CA10: variants seen among roughly 807,000 people sequenced by gnomAD.
CA10 encodes the protein carbonic anhydrase 10 (inactive).
Under a neutral mutation model 44.2 loss-of-function variants are expected in CA10, and 14 were observed. The observed-to-expected ratio is 0.32, with a 90% CI of 0.21 to 0.50. The LOEUF is 0.50. Among genes scored for constraint, CA10 ranks in the 20% least tolerant of loss-of-function variants. The probability of loss-of-function intolerance (pLI) is 0.99; values close to 1 mark genes in which losing one functional copy is unlikely to be tolerated. For missense variants in CA10, 350 were observed against 409.7 expected (o/e 0.85, Z 1.26); for synonymous variants, 159 against 141.6 (o/e 1.12, Z -0.87).
intron 1 of CA10, 85 bp from the exon 2 acceptor site, chr17:52,072,478 C>T: frequency 3.2e-6 from 3 of 928,494 alleles, no homozygotes; most frequent in South Asian, 2.9e-5. Flanking sequence ...GGTGAATATC[C>T]ATAAAATAAC....
intron 3 of CA10, among the ~76,000 whole-genome samples, chr17:51,870,965 C>A (rs767191267): frequency 6.6e-6 from 1 of 152,080 alleles, no homozygotes; most frequent in African/African-American, 2.4e-5. Flanking sequence ...TGTACCCTCA[C>A]CCTTCAGACA....
At chr17:51,835,556 G>T (rs1908447065) in intron 3 of CA10, among the ~76,000 whole-genome samples, 1 of 152,176 alleles carries the variant, frequency 6.6e-6, no homozygotes, top group Admixed American at 6.5e-5. Flanking sequence ...AAGGCAAAAT[G>T]AAATTAGGTT....
At chr17:51,904,280 C>A (rs1341092267) in intron 3 of CA10, among the ~76,000 whole-genome samples, 1 of 151,980 alleles carries the variant, frequency 6.6e-6, no homozygotes, top group African/African-American at 2.4e-5. Flanking sequence ...CTCCTTTGAC[C>A]AATGTGGAGG....
chr17:52,053,676 G>A (rs1355857104), intron 2 of CA10, among the ~76,000 whole-genome samples: 1 of 152,004 alleles, frequency 6.6e-6, no homozygotes, highest in East Asian at 1.9e-4. Context: ...GAAATTGAGT[G>A]CACAGAAAGG....
chr17:51,788,549 G>T (rs969435327), intron 3 of CA10, among the ~76,000 whole-genome samples: 1 of 152,028 alleles, frequency 6.6e-6, no homozygotes, highest in Non-Finnish European at 1.5e-5. Flanking sequence ...ACCCTGATTC[G>T]ATCATTACAC....
chr17:51,985,240 C>T lies in CA10; in HGVS notation c.137-54108G>A, dbSNP rs559925317. ...GCAAGCCAATAAATGTGATACACCA[C>T]ATATGTATAATTAAAAACAAAGACT... On this transcript the variant is annotated intron_variant, in intron 2 of 8. Coordinates refer to ENST00000451037, the MANE Select transcript of CA10 (RefSeq NM_020178.5). Among the ~76,000 whole-genome samples, 6 of 152,058 alleles carry T rather than the reference C, an allele frequency of 3.9e-5. No individual in the cohort carries two copies. In the South Asian group the frequency reaches 1.0e-3, roughly 26 times the overall value.
intron 3 of CA10, among the ~76,000 whole-genome samples, chr17:51,752,653 G>A (rs1469941812): frequency 6.6e-6 from 1 of 152,174 alleles, no homozygotes; most frequent in East Asian, 1.9e-4. Flanking sequence ...GGGGGGCCAG[G>A]TACTTTGGCT....
At chr17:51,782,196 A>C (rs547646945) in intron 3 of CA10, among the ~76,000 whole-genome samples, 5 of 152,374 alleles carry the variant, frequency 3.3e-5, no homozygotes, top group African/African-American at 1.2e-4. Context: ...TGAATACTCC[A>C]AAGAATGTAC....
intron 3 of CA10, among the ~76,000 whole-genome samples, chr17:51,904,229 G>C (rs1057292283): frequency 6.6e-6 from 1 of 151,654 alleles, no homozygotes; most frequent in Non-Finnish European, 1.5e-5. Context: ...TATATTCTTA[G>C]AAGGTCATGT....
chr17:51,631,572 TG>T lies in CA10; in HGVS notation c.*11del. ...CATTTCACTGAGGTGGGATTCTTCT[TG>T]GCTTTGTTCCCTACTTGAGGAGCCA... On this transcript the variant is annotated 3_prime_UTR_variant, in exon 9 of 9. Transcript: ENST00000451037. 1 of 1,612,004 alleles carries T rather than the reference TG, an allele frequency of 6.2e-7. No individual in the cohort carries two copies. Among genetic ancestry groups the T allele is most frequent in the Non-Finnish European group, 8.5e-7 (1 of 1,178,322 alleles).
At chr17:52,138,086 G>A (rs1240293033) in intron 1 of CA10, among the ~76,000 whole-genome samples, 1 of 152,084 alleles carries the variant, frequency 6.6e-6, no homozygotes, top group African/African-American at 2.4e-5. Context: ...AAATCAAGGT[G>A]TCAGCAGGCA....
chr17:51,987,560 A>T lies in CA10; in HGVS notation c.137-56428T>A, dbSNP rs866397097. Among the ~76,000 whole-genome samples the T allele has an allele frequency of 3.9e-5, 6 of 152,162 alleles. No individual in the cohort carries two copies. The South Asian group carries it at 6.2e-4, about 16-fold the overall frequency. On this transcript the variant is annotated intron_variant, in intron 2 of 8. Transcript: ENST00000451037. ...TTTAAAAAAATGTAGAAAAGATTTT[A>T]AAAAAGGATGAGGAAATATTTACTT...
intron 2 of CA10, among the ~76,000 whole-genome samples, chr17:51,986,263 C>A: frequency 6.6e-6 from 1 of 151,986 alleles, no homozygotes; most frequent in South Asian, 2.1e-4. Context: ...GAAAGAACAC[C>A]CTATTCAACA....
chr17:51,636,004 C>A lies in CA10; in HGVS notation c.640G>T (p.Ala214Ser). 6.4e-7 allele frequency: 1 copy of A among 1,566,910 alleles called. No homozygotes were observed. The highest frequency in any genetic ancestry group is 8.7e-7 in the Non-Finnish European group (1 of 1,154,736). ...ATATTAAGCCCCTGTAGTAAATATG[C>A]ATCATCTAGAGAAGGAAAGAAGACT... ...TITRITYKNDAYLLQGLNIEE... is the reference protein window; with the variant it reads ...TITRITYKNDSYLLQGLNIEE... The change falls in exon 7 of 9, where the codon GCA becomes TCA. Residue 214 changes from alanine (A) to serine (S), a missense_variant. By Grantham distance (99) the Ala-to-Ser change is moderately conservative. Coordinates refer to ENST00000451037, the MANE Select transcript of CA10 (RefSeq NM_020178.5).
chr17:51,798,198 A>C (rs540164496), intron 3 of CA10, among the ~76,000 whole-genome samples: 3 of 152,356 alleles, frequency 2.0e-5, no homozygotes, highest in African/African-American at 7.2e-5. Context: ...CTGGGCAAGC[A>C]CATTTATTGA....
intron 4 of CA10, among the ~76,000 whole-genome samples, chr17:51,736,374 C>T (rs1314745952): frequency 6.6e-6 from 1 of 152,192 alleles, no homozygotes; most frequent in African/African-American, 2.4e-5. Context: ...TTTACAGAAA[C>T]AGCAGCTGTT....
chr17:51,713,538 A>T (rs1265313904), intron 4 of CA10, among the ~76,000 whole-genome samples: 5 of 152,258 alleles, frequency 3.3e-5, no homozygotes, highest in African/African-American at 4.8e-5. Flanking sequence ...TTGTCACTTA[A>T]GCCTAGGACC....
intron 4 of CA10, among the ~76,000 whole-genome samples, chr17:51,669,405 C>T (rs1015589459): frequency 7.9e-5 from 12 of 152,080 alleles, no homozygotes; most frequent in African/African-American, 2.7e-4. Context: ...CAAAACGGAC[C>T]AATCAGCAGG....
chr17:51,868,744 G>T (rs759353346), intron 3 of CA10, among the ~76,000 whole-genome samples: 6 of 152,050 alleles, frequency 3.9e-5, no homozygotes, highest in African/African-American at 1.4e-4. Flanking sequence ...TAACACTTAT[G>T]AGCAGCTCTG....
Sources: gnomAD v4.1 joint callset for allele counts (sites outside exome capture counted in the v4.1 genomes callset) on GRCh38, gnomAD v4.1.1 for gene constraint, MANE v1.5 for transcripts, NCBI Gene and HGNC (gene_info 2026-07-23, HGNC 2026-07-21) for gene names.